Variants in LIMCH1 observed in about 807,000 individuals in gnomAD.
The protein encoded by LIMCH1 is LIM and calponin homology domains-containing protein 1.
In LIMCH1, 113 loss-of-function variants were observed where a neutral mutation model predicts 176.5. The ratio of observed to expected loss-of-function variants is 0.64; its 90% CI spans 0.55 to 0.75. LIMCH1 has a LOEUF of 0.75. Among genes scored for constraint, LIMCH1 ranks in the 30% least tolerant of loss-of-function variants. The pLI, the probability that LIMCH1 is intolerant of heterozygous loss-of-function variation, is 0.00. For synonymous variants in LIMCH1, 619 were observed against 645.9 expected (o/e 0.96, Z 0.63); for missense variants, 1,674 against 1,814.9 (o/e 0.92, Z 1.41).
At chr4:41,648,613 C>T (rs1228151556) in intron 17 of LIMCH1, among the ~76,000 whole-genome samples, 4 of 150,172 alleles carry the variant, frequency 2.7e-5, no homozygotes, top group East Asian at 2.0e-4. Flanking sequence ...CAAATCAGAC[C>T]GTTGTTACCA....
chr4:41,453,303 C>G (rs1281161797), intron 1 of LIMCH1, among the ~76,000 whole-genome samples: 1 of 152,174 alleles, frequency 6.6e-6, no homozygotes, highest in Admixed American at 6.5e-5. Context: ...CCCACCTAGT[C>G]AAAAATCTGT....
intron 1 of LIMCH1, among the ~76,000 whole-genome samples, chr4:41,410,564 T>G (rs2059390332): frequency 6.6e-6 from 1 of 152,134 alleles, no homozygotes; most frequent in Admixed American, 6.5e-5. Flanking sequence ...GTGTGATAGC[T>G]CTGCTTGGAT....
rs779860365 is a variant in LIMCH1 at position 41,690,209 on chromosome 4, AT to A, written c.4275+576del. On this transcript the variant is annotated intron_variant, in intron 30 of 31. Transcript: ENST00000503057. ...CCTTTCTTGGTCCTTATTACTGATT[AT>A]TGGATTATTTAAATATTATCTCCTC... 3.3e-5 allele frequency among the ~76,000 whole-genome samples: 5 copies of A among 152,088 alleles called. No homozygotes were observed. The South Asian group carries it at 8.3e-4, about 25-fold the overall frequency.
At chr4:41,578,768 G>A (rs1440096034) in intron 1 of LIMCH1, among the ~76,000 whole-genome samples, 1 of 151,708 alleles carries the variant, frequency 6.6e-6, no homozygotes, top group Non-Finnish European at 1.5e-5. Flanking sequence ...GGTTGCCCAG[G>A]CTAGAGTGAA....
In LIMCH1 at chr4:41,676,423, A is replaced by T. The variant is rs773173942; in HGVS notation, c.3480A>T (p.Arg1160=). 24 of 1,613,968 alleles carry T rather than the reference A, an allele frequency of 1.5e-5. No individual in the cohort carries two copies. The East Asian group carries it at 5.1e-4, about 34-fold the overall frequency. The part of the protein sequence containing the change: ...WAWDPEEERR[R]QEKWQQEQER... ...GGGACCCAGAAGAGGAGCGCAGGCG[A>T]CAGGAAAAATGGCAACAGGAACAGG... is the stretch of plus-strand genomic sequence containing the variant. Residue 1160 remains arginine, a synonymous_variant, in exon 23 of 32, where the codon CGA becomes CGT. Transcript: ENST00000503057.
intron 2 of LIMCH1, among the ~76,000 whole-genome samples, chr4:41,495,353 T>A (rs932261872): frequency 3.3e-5 from 5 of 152,214 alleles, no homozygotes; most frequent in Admixed American, 1.3e-4. Flanking sequence ...TACAATCTAA[T>A]GGGTATTGAA....
chr4:41,450,798 C>CAAAA (rs760652470), intron 1 of LIMCH1, among the ~76,000 whole-genome samples: 2 of 50,640 alleles, frequency 3.9e-5, no homozygotes, highest in African/African-American at 6.6e-5. Flanking sequence ...CTCTCTCTCT[C>CAAAA]AAAAAAAAAA....
chr4:41,644,877 A>C (rs2093995950), intron 15 of LIMCH1, among the ~76,000 whole-genome samples: 1 of 152,322 alleles, frequency 6.6e-6, no homozygotes, highest in African/African-American at 2.4e-5. Flanking sequence ...GAGGGGAGGC[A>C]GGAAACTGGG....
intron 1 of LIMCH1, among the ~76,000 whole-genome samples, chr4:41,544,288 T>A (rs920935442): frequency 6.6e-6 from 1 of 152,214 alleles, no homozygotes; most frequent in African/African-American, 2.4e-5. Flanking sequence ...ACCCTTTGAA[T>A]CAAAGTGAAT....
intron 2 of LIMCH1, among the ~76,000 whole-genome samples, chr4:41,498,192 C>T (rs1185314631): frequency 6.6e-6 from 1 of 152,034 alleles, no homozygotes; most frequent in Non-Finnish European, 1.5e-5. Context: ...CAGTCAAGAC[C>T]AGATGGAGAC....
At chr4:41,426,382 G>T (rs1332445402) in intron 1 of LIMCH1, among the ~76,000 whole-genome samples, 1 of 152,184 alleles carries the variant, frequency 6.6e-6, no homozygotes, top group Non-Finnish European at 1.5e-5. Flanking sequence ...CTGTATATGA[G>T]AAGTGTTTTT....
At chr4:41,669,774 G>A (rs1246349178) in intron 21 of LIMCH1, among the ~76,000 whole-genome samples, 4 of 152,098 alleles carry the variant, frequency 2.6e-5, no homozygotes, top group Admixed American at 1.3e-4. Context: ...GGGGAAATGG[G>A]GGAGGCATAG....
chr4:41,512,324 A>G (rs1223553628), intron 2 of LIMCH1, among the ~76,000 whole-genome samples: 1 of 152,172 alleles, frequency 6.6e-6, no homozygotes, highest in East Asian at 1.9e-4. Context: ...TGACACAGCC[A>G]TTTTGGAAAA....
intron 23 of LIMCH1, among the ~76,000 whole-genome samples, chr4:41,678,078 C>T (rs1354399800): frequency 4.6e-5 from 7 of 152,088 alleles, no homozygotes; most frequent in Admixed American, 2.6e-4. Context: ...AATGCTATCC[C>T]TCCGCTAGCC....
chr4:41,680,003 C>T lies in LIMCH1; in HGVS notation c.3520-3C>T, dbSNP rs546111835. The T allele has an allele frequency of 1.6e-5, 25 of 1,602,856 alleles. No homozygotes were observed. The highest frequency in any genetic ancestry group is 2.0e-5 in the Non-Finnish European group (24 of 1,173,236). Reference sequence around the variant, plus strand: ...AGAACAATCTATGGAAATTCCATAACAGGAGAGATACCAGAAGGAGCAGGA... The same window carrying T: ...AGAACAATCTATGGAAATTCCATAATAGGAGAGATACCAGAAGGAGCAGGA... On this transcript the variant is annotated splice_region_variant and splice_polypyrimidine_tract_variant and intron_variant, in intron 23 of 31. Coordinates refer to ENST00000503057, the MANE Select transcript of LIMCH1 (RefSeq NM_001330672.2).
intron 25 of LIMCH1, among the ~76,000 whole-genome samples, chr4:41,681,686 A>G (rs1715998300): frequency 6.6e-6 from 1 of 152,076 alleles, no homozygotes; most frequent in Admixed American, 6.5e-5. Flanking sequence ...GGAAATAATA[A>G]TAATAAAAAA....
rs2093416969 is a variant in LIMCH1, at chr4:41,633,209, A to G, written c.1829+124A>G. Reference sequence around the variant, plus strand: ...TGGCGACTGATAGAGCGTGGAGTAAAGTCACTAAAAGAGTGTGCTCATCCC... The same window carrying G: ...TGGCGACTGATAGAGCGTGGAGTAAGGTCACTAAAAGAGTGTGCTCATCCC... On this transcript the variant is annotated intron_variant, in intron 12 of 31. Transcript: ENST00000503057. 4 of 690,218 alleles carry G rather than the reference A, an allele frequency of 5.8e-6. No individual in the cohort carries two copies. In the East Asian group the frequency reaches 8.1e-5, roughly 14 times the overall value. 42.8% of individuals were successfully genotyped at this position (690,218 alleles called of 1,614,324 possible).
chr4:41,460,991 T>G (rs1185721068), intron 1 of LIMCH1, among the ~76,000 whole-genome samples: 2 of 152,194 alleles, frequency 1.3e-5, no homozygotes, highest in Non-Finnish European at 2.9e-5. Flanking sequence ...CCTAATTTCC[T>G]TTATTTGTTG....
chr4:41,418,978 T>C (rs1408638801), intron 1 of LIMCH1, among the ~76,000 whole-genome samples: 3 of 152,190 alleles, frequency 2.0e-5, no homozygotes, highest in African/African-American at 7.2e-5. Context: ...TGCTGGAATC[T>C]TAAGTCATCC....
Sources: gnomAD v4.1 joint callset for allele counts (sites outside exome capture counted in the v4.1 genomes callset) on GRCh38, gnomAD v4.1.1 for gene constraint, MANE v1.5 for transcripts, NCBI Gene and HGNC (gene_info 2026-07-23, HGNC 2026-07-21) for gene names.